Variants in ADD1 observed in about 807,000 individuals in gnomAD.
The protein encoded by ADD1 is adducin 1, also known as alpha-adducin.
Under a neutral mutation model 80.5 loss-of-function variants are expected in ADD1, and 24 were observed. That is an observed-to-expected ratio of 0.30 (90% confidence interval 0.22 to 0.42). The LOEUF (loss-of-function observed/expected upper bound fraction) is 0.42, where lower values mean the gene tolerates loss of function less well. Ranked by LOEUF, ADD1 falls within the 10% of genes least tolerant of loss-of-function variation. The pLI is 1.00. For synonymous variants in ADD1, 373 were observed against 393.8 expected (o/e 0.95, Z 0.63); for missense variants, 948 against 1,019.0 (o/e 0.93, Z 0.95).
intron 9 of ADD1, among the ~76,000 whole-genome samples, chr4:2,903,674 G>C (rs1372698329): frequency 2.0e-5 from 3 of 152,170 alleles, no homozygotes; most frequent in East Asian, 1.9e-4. Flanking sequence ...TGTGAATTCC[G>C]CTACTTAGAA....
intron 12 of ADD1, chr4:2,908,952 G>A (rs183691087): frequency 5.4e-5 from 24 of 444,622 alleles, no homozygotes; most frequent in African/African-American, 4.0e-4. Flanking sequence ...CTCTTGTTCT[G>A]GTACATATTG....
chr4:2,901,789 T>G (rs1054652194), intron 9 of ADD1: 1 of 151,250 alleles, frequency 6.6e-6, no homozygotes, highest in Non-Finnish European at 1.5e-5. Flanking sequence ...TAAAAAAATT[T>G]CAAAAAGAGA....
At chr4:2,865,459 C>T (rs192735841) in intron 1 of ADD1, among the ~76,000 whole-genome samples, 1 of 152,220 alleles carries the variant, frequency 6.6e-6, no homozygotes, top group Admixed American at 6.5e-5. Flanking sequence ...AGAATAAATA[C>T]GTTTTTCTCA....
chr4:2,904,715 G>A, intron 9 of ADD1, 49 bp from the exon 10 acceptor site: 1 of 1,544,892 alleles, frequency 6.5e-7, no homozygotes, highest in Non-Finnish European at 8.9e-7. Context: ...GTGAAACCCT[G>A]TTTTGAGATC....
chr4:2,864,213 G>A (rs1271727719), intron 1 of ADD1, among the ~76,000 whole-genome samples: 5 of 152,146 alleles, frequency 3.3e-5, no homozygotes. Flanking sequence ...AGGAGTTCGA[G>A]AACAGCCTGG....
chr4:2,923,249 A>T (rs572139572), intron 14 of ADD1, among the ~76,000 whole-genome samples: 2 of 152,198 alleles, frequency 1.3e-5, no homozygotes, highest in Non-Finnish European at 2.9e-5. Flanking sequence ...TGTGCTTGAA[A>T]CCCAGGGTCC....
chr4:2,907,846 T>C lies in ADD1; in HGVS notation c.1608+2T>C. 6.2e-7 allele frequency: 1 copy of C among 1,612,738 alleles called. No homozygotes were observed. Among genetic ancestry groups the C allele is most frequent in the Non-Finnish European group, 8.5e-7 (1 of 1,179,072 alleles). On this transcript the variant is annotated splice_donor_variant, in intron 11 of 15. Transcript: ENST00000683351. LOFTEE classifies it high-confidence loss of function. ...GAGGTCCAGGAGATGAGGAACAAGG[T>C]GCGTCCTGCGTCGGCACTCAGCGGG...
At chr4:2,917,199 G>T (rs936864114) in intron 14 of ADD1, among the ~76,000 whole-genome samples, 1 of 152,138 alleles carries the variant, frequency 6.6e-6, no homozygotes, top group African/African-American at 2.4e-5. Flanking sequence ...AGCTTCTGTT[G>T]TTTCCTCGCT....
chr4:2,901,108 A>C (rs1302309802), intron 9 of ADD1: 1 of 152,674 alleles, frequency 6.5e-6, no homozygotes, highest in East Asian at 1.9e-4. Flanking sequence ...CAGGGTAGTG[A>C]AGCTGCAGGG....
At chr4:2,864,936 C>T (rs1729326491) in intron 1 of ADD1, among the ~76,000 whole-genome samples, 2 of 152,058 alleles carry the variant, frequency 1.3e-5, no homozygotes, top group South Asian at 4.1e-4. Context: ...GTAAATTTCC[C>T]TTTTATAAAT....
Position 2,926,650 on chromosome 4 carries a change from T to C in ADD1, c.2047+538T>C, listed in dbSNP as rs1209831892. The C allele has an allele frequency of 5.0e-6, 8 of 1,613,966 alleles. No individual in the cohort carries two copies. The East Asian group carries it at 6.7e-5, about 13-fold the overall frequency. On this transcript the variant is annotated intron_variant, in intron 15 of 15. Transcript: ENST00000683351. This position sits in a 1 kb window ranked among gnomAD's most constrained non-coding sequence, Gnocchi z 5.0. ...GGCTGCGTCACAAGCAGGAGACGGA[T>C]GCGCTAGAGAGTACCTGTTACCCTA...
In ADD1 at chr4:2,892,150, G is replaced by A. The variant is rs955687252; in HGVS notation, c.511-1863G>A. Among the ~76,000 whole-genome samples, 6 of 152,130 alleles carry A rather than the reference G, an allele frequency of 3.9e-5. No homozygotes were observed. In the East Asian group the frequency reaches 1.2e-3, roughly 29 times the overall value. On this transcript the variant is annotated intron_variant, in intron 4 of 15. Transcript: ENST00000683351. ...TGAAACTAAAACAAGCAGACCCTGGGTATGCTTCTGTTTGGGCCACTACAG... is the reference window on the plus strand; with the variant it reads ...TGAAACTAAAACAAGCAGACCCTGGATATGCTTCTGTTTGGGCCACTACAG...
intron 4 of ADD1, among the ~76,000 whole-genome samples, chr4:2,886,249 A>G (rs955893590): frequency 1.3e-5 from 2 of 152,128 alleles, no homozygotes; most frequent in Non-Finnish European, 1.5e-5. Flanking sequence ...ACATGGACTC[A>G]TAACCAGCGG....
intron 13 of ADD1, among the ~76,000 whole-genome samples, chr4:2,911,448 AT>A (rs33935514): frequency 8.4e-4 from 109 of 130,486 alleles, no homozygotes; most frequent in South Asian, 1.5e-3. Context: ...ATATATATAT[AT>A]TTTTTTTTTT....
chr4:2,895,851 T>A (rs1735104174), intron 6 of ADD1, among the ~76,000 whole-genome samples: 1 of 152,228 alleles, frequency 6.6e-6, no homozygotes, highest in East Asian at 1.9e-4. Flanking sequence ...TTGGGGTTTA[T>A]TGTACAACAG....
intron 15 of ADD1, among the ~76,000 whole-genome samples, chr4:2,927,410 G>T (rs1711993595): frequency 6.6e-6 from 1 of 152,228 alleles, no homozygotes; most frequent in Admixed American, 6.5e-5. Context: ...GACTCCCCTG[G>T]CCCTGATGTG....
Position 2,924,334 on chromosome 4 carries a change from T to C in ADD1, c.1949-1680T>C, listed in dbSNP as rs1390118122. Among the ~76,000 whole-genome samples, 6 of 152,162 alleles carry C rather than the reference T, an allele frequency of 3.9e-5. No homozygotes were observed. The East Asian group carries it at 1.2e-3, about 29-fold the overall frequency. On this transcript the variant is annotated intron_variant, in intron 14 of 15. Coordinates refer to ENST00000683351, the MANE Select transcript of ADD1 (RefSeq NM_001354761.2). ...AGGGCTTTTGGGCATCAGCTGCTTT[T>C]CCCCCAAGCTCCCTGCTGCCAGCTC... is the stretch of plus-strand genomic sequence containing the variant.
chr4:2,901,973 T>C, intron 9 of ADD1: 1 of 151,482 alleles, frequency 6.6e-6, no homozygotes, highest in Admixed American at 6.6e-5. Context: ...TAGGCTGGTG[T>C]TGAACTCCTG....
chr4:2,845,690 G>T (rs1232064570), intron 1 of ADD1, among the ~76,000 whole-genome samples: 1 of 152,052 alleles, frequency 6.6e-6, no homozygotes, highest in African/African-American at 2.4e-5. Flanking sequence ...GATGTTATCT[G>T]ATATACTGAG....
Sources: allele counts gnomAD v4.1 joint callset (sites outside exome capture counted in the v4.1 genomes callset), GRCh38; gene constraint gnomAD v4.1.1; non-coding constraint Gnocchi (gnomAD v3.1); transcripts MANE v1.5; gene names NCBI Gene and HGNC (gene_info 2026-07-23, HGNC 2026-07-21).